CYP2C18: variants seen among roughly 807,000 people sequenced by gnomAD.
CYP2C18 encodes cytochrome P450 family 2 subfamily C member 18, also known as cytochrome P450 2C18.
CYP2C18 carries 38 observed loss-of-function variants against 41.3 expected under a neutral mutation model. The observed-to-expected ratio is 0.92, with a 90% CI of 0.71 to 1.21. CYP2C18 has a LOEUF of 1.21. Among genes scored for constraint, CYP2C18 ranks in the 50% most tolerant of loss-of-function variants. CYP2C18 has a pLI of 0.00. For missense variants in CYP2C18, 635 were observed against 591.4 expected, an observed-to-expected ratio of 1.07 and a Z score of -0.77; for synonymous variants, 236 against 210.0, an observed-to-expected ratio of 1.12 and a Z score of -1.07.
intron 8 of CYP2C18, 87 bp from the exon 9 acceptor site, chr10:94,735,176 C>T: frequency 2.3e-6 from 3 of 1,315,772 alleles, no homozygotes; most frequent in Non-Finnish European, 2.2e-6. Flanking sequence ...TCTATTTAAT[C>T]ATTTATCAAA....
At position 94,720,444 on chromosome 10, in the gene CYP2C18, A is replaced by T; in HGVS notation, c.868A>T (p.Thr290Ser). 6.2e-7 allele frequency: 1 copy of T among 1,612,830 alleles called. No individual in the cohort carries two copies. Residue 290 changes from threonine to serine, a missense_variant, in exon 6 of 9, where the codon ACT (threonine) becomes TCT (serine). By Grantham distance (58) the Thr-to-Ser change is moderately conservative. Coordinates refer to ENST00000285979, the MANE Select transcript of CYP2C18 (RefSeq NM_000772.3). ...SEFTVESLIA[T>S]VTDMFGAGTE... ...ATTTACTGTTGAAAGCTTGATAGCCACTGTAACTGATATGTTTGGGGCTGG... is the reference window on the plus strand; with the variant it reads ...ATTTACTGTTGAAAGCTTGATAGCCTCTGTAACTGATATGTTTGGGGCTGG...
intron 5 of CYP2C18, among the ~76,000 whole-genome samples, chr10:94,718,458 G>A (rs1427945411): frequency 6.6e-6 from 1 of 152,056 alleles, no homozygotes; most frequent in Non-Finnish European, 1.5e-5. Context: ...CATTGCTCTG[G>A]CTAGTACTTC....
In CYP2C18 at chr10:94,735,538, T is replaced by A. The variant is rs1172609369; in HGVS notation, c.*94T>A. 1 of 1,213,712 alleles carries A rather than the reference T, an allele frequency of 8.2e-7. No individual in the cohort carries two copies. The highest frequency in any genetic ancestry group is 2.4e-5 in the East Asian group (1 of 42,456). The allele number at this position is 1,213,712 out of a possible 1,614,324, so 75.2% of individuals were successfully genotyped here. On this transcript the variant is annotated 3_prime_UTR_variant, in exon 9 of 9. Coordinates refer to ENST00000285979, the MANE Select transcript of CYP2C18 (RefSeq NM_000772.3). ...TCTCCCTTCTCTCTGTGAGGGATAT[T>A]TTCTCTGACTTGTCAATCCACATCT...
intron 4 of CYP2C18, among the ~76,000 whole-genome samples, chr10:94,698,108 A>G (rs1208680422): frequency 6.6e-6 from 1 of 152,186 alleles, no homozygotes; most frequent in African/African-American, 2.4e-5. Context: ...CAGGAACTGA[A>G]CTCAGCTCTG....
chr10:94,728,715 T>C, intron 7 of CYP2C18: 1 of 444,536 alleles, frequency 2.2e-6, no homozygotes, highest in Non-Finnish European at 3.0e-6. Flanking sequence ...AAAAACCCTA[T>C]GAACAGATTC....
intron 4 of CYP2C18, among the ~76,000 whole-genome samples, chr10:94,703,731 C>A (rs996104799): frequency 4.6e-5 from 7 of 152,176 alleles, no homozygotes; most frequent in African/African-American, 1.7e-4. Context: ...GCCCCCTTTC[C>A]AGGGGAGTGA....
intron 3 of CYP2C18, among the ~76,000 whole-genome samples, chr10:94,689,163 T>C (rs935716060): frequency 6.6e-6 from 1 of 152,150 alleles, no homozygotes; most frequent in Non-Finnish European, 1.5e-5. Flanking sequence ...TTTTATATAT[T>C]TTAAGAAAAT....
intron 5 of CYP2C18, among the ~76,000 whole-genome samples, chr10:94,715,890 C>A (rs1397627040): frequency 6.6e-6 from 1 of 152,062 alleles, no homozygotes; most frequent in East Asian, 1.9e-4. Context: ...AGGGATTCAG[C>A]TTCTTCCTGG....
intron 3 of CYP2C18, among the ~76,000 whole-genome samples, chr10:94,693,401 C>G (rs1401463224): frequency 6.6e-6 from 1 of 152,120 alleles, no homozygotes; most frequent in Admixed American, 6.6e-5. Flanking sequence ...CATCACGCTT[C>G]CTGTACAGCC....
At chr10:94,718,895 A>C (rs1847602155) in intron 5 of CYP2C18, among the ~76,000 whole-genome samples, 2 of 152,118 alleles carry the variant, frequency 1.3e-5, no homozygotes, top group Admixed American at 1.3e-4. Flanking sequence ...CCTCCTTTCC[A>C]CAGGGAGAAG....
intron 5 of CYP2C18, among the ~76,000 whole-genome samples, chr10:94,715,874 C>T (rs1402201045): frequency 1.3e-5 from 2 of 152,014 alleles, no homozygotes; most frequent in African/African-American, 4.8e-5. Flanking sequence ...TGTGATTGGT[C>T]TATTCAGGGA....
At chr10:94,700,248 C>A (rs1236021264) in intron 4 of CYP2C18, among the ~76,000 whole-genome samples, 2 of 152,126 alleles carry the variant, frequency 1.3e-5, no homozygotes, top group Non-Finnish European at 2.9e-5. Flanking sequence ...CTACAGTAAG[C>A]AAAACAGCAT....
At chr10:94,685,109 C>T (rs944544818) in intron 1 of CYP2C18, among the ~76,000 whole-genome samples, 1 of 151,916 alleles carries the variant, frequency 6.6e-6, no homozygotes, top group African/African-American at 2.4e-5. Flanking sequence ...ATCATGGTCC[C>T]TGCAGCCTTG....
intron 6 of CYP2C18, among the ~76,000 whole-genome samples, chr10:94,721,481 T>G (rs1306541236): frequency 1.3e-5 from 2 of 152,162 alleles, no homozygotes; most frequent in Non-Finnish European, 2.9e-5. Flanking sequence ...TTTTATAGAC[T>G]TAGGGGTACA....
chr10:94,689,188 A>T (rs982735618), intron 3 of CYP2C18, among the ~76,000 whole-genome samples: 3 of 152,176 alleles, frequency 2.0e-5, no homozygotes, highest in Non-Finnish European at 2.9e-5. Context: ...GCTATAGCAT[A>T]GTCTTTCAAT....
Position 94,694,915 on chromosome 10 carries a change from A to G in CYP2C18, c.482-2A>G. 6.2e-7 allele frequency: 1 copy of G among 1,611,270 alleles called. No individual in the cohort carries two copies. Among genetic ancestry groups the G allele is most frequent in the Non-Finnish European group, 8.5e-7 (1 of 1,179,248 alleles). On this transcript the variant is annotated splice_acceptor_variant, in intron 3 of 8. Transcript: ENST00000285979. LOFTEE classifies it high-confidence loss of function. ...TAATTTAAAATATTTCCAATCCTTT[A>G]GCCTCACCCTGTGATCCCACTTTCA...
intron 7 of CYP2C18, among the ~76,000 whole-genome samples, chr10:94,730,577 A>G (rs1162186378): frequency 6.6e-6 from 1 of 152,224 alleles, no homozygotes; most frequent in Non-Finnish European, 1.5e-5. Context: ...ACTTTTTAAT[A>G]GCCACAGGGA....
intron 5 of CYP2C18, among the ~76,000 whole-genome samples, chr10:94,710,723 T>G (rs191531472): frequency 4.4e-4 from 67 of 152,312 alleles, no homozygotes; most frequent in African/African-American, 1.5e-3. Flanking sequence ...GAAAACTGTG[T>G]TAAGTTGATG....
intron 4 of CYP2C18, among the ~76,000 whole-genome samples, chr10:94,697,477 G>A (rs1847139873): frequency 6.6e-6 from 1 of 152,190 alleles, no homozygotes; most frequent in South Asian, 2.1e-4. Flanking sequence ...GCTCCTGAAG[G>A]AAGCACTAAA....
Sources: allele counts gnomAD v4.1 joint callset (sites outside exome capture counted in the v4.1 genomes callset), GRCh38; gene constraint gnomAD v4.1.1; transcripts MANE v1.5; gene names NCBI Gene and HGNC (gene_info 2026-07-23, HGNC 2026-07-21).